CDH19: variants seen among roughly 807,000 people sequenced by gnomAD.
CDH19 encodes the protein cadherin 19.
A neutral mutation model predicts 64.2 loss-of-function variants in CDH19; 67 were observed. That is an observed-to-expected ratio of 1.04 (90% CI 0.86 to 1.28). The LOEUF is 1.28. CDH19 is among the 50% of genes most tolerant of loss of function. The pLI is 0.00. For missense variants in CDH19, 1,030 were observed against 929.0 expected (o/e 1.11, Z -1.41); for synonymous variants, 346 against 319.3 (o/e 1.08, Z -0.89).
intron 3 of CDH19, among the ~76,000 whole-genome samples, chr18:66,556,870 A>G (rs1987539182): frequency 6.6e-6 from 1 of 151,930 alleles, no homozygotes; most frequent in Non-Finnish European, 1.5e-5. Flanking sequence ...ATGAAATATC[A>G]CTTCACACTT....
chr18:66,523,428 G>A (rs1434424030), intron 9 of CDH19, among the ~76,000 whole-genome samples: 2 of 152,124 alleles, frequency 1.3e-5, no homozygotes, highest in Non-Finnish European at 2.9e-5. Context: ...CCTTGGAGGA[G>A]GTGCAGCTGC....
At chr18:66,600,950 G>A (rs549249252) in intron 1 of CDH19, among the ~76,000 whole-genome samples, 2 of 151,902 alleles carry the variant, frequency 1.3e-5, no homozygotes, top group East Asian at 3.9e-4. Context: ...TGACATTATA[G>A]CCCATTTATT....
At chr18:66,590,820 G>T (rs1988722612) in intron 1 of CDH19, among the ~76,000 whole-genome samples, 1 of 151,976 alleles carries the variant, frequency 6.6e-6, no homozygotes, top group Non-Finnish European at 1.5e-5. Flanking sequence ...TGAGCCTGCT[G>T]TGTTATATAA....
At chr18:66,585,171 C>T (rs1421196352) in intron 1 of CDH19, among the ~76,000 whole-genome samples, 2 of 151,992 alleles carry the variant, frequency 1.3e-5, no homozygotes, top group East Asian at 3.9e-4. Flanking sequence ...GGAACACATA[C>T]AATATAATTT....
In CDH19 at chr18:66,601,062, A is replaced by G. The variant is rs1989026085; in HGVS notation, c.-113+2892T>C. Among the ~76,000 whole-genome samples the G allele has an allele frequency of 2.0e-5, 3 of 151,628 alleles. No individual in the cohort carries two copies. The South Asian group carries it at 6.2e-4, about 31-fold the overall frequency. Reference sequence around the variant, plus strand: ...TATTTGCTTAGTGACAAATGACACTACTCTCTTGAAAATTCAGAGATGCAT... The same window carrying G: ...TATTTGCTTAGTGACAAATGACACTGCTCTCTTGAAAATTCAGAGATGCAT... On this transcript the variant is annotated intron_variant, in intron 1 of 11. Transcript: ENST00000262150.
intron 1 of CDH19, among the ~76,000 whole-genome samples, chr18:66,574,182 T>C (rs540748576): frequency 2.0e-5 from 3 of 151,826 alleles, no homozygotes; most frequent in South Asian, 4.1e-4. Flanking sequence ...GAGTTTCACA[T>C]AGTCTGAATG....
chr18:66,588,631 T>C (rs1309558441), intron 1 of CDH19, among the ~76,000 whole-genome samples: 1 of 142,368 alleles, frequency 7.0e-6, no homozygotes, highest in African/African-American at 2.4e-5. Flanking sequence ...TATATCTATA[T>C]ATATATAGAT....
rs535954326 is a variant in CDH19, at chr18:66,567,447, T to C, written c.490+969A>G. Among the ~76,000 whole-genome samples, 5 of 151,934 alleles carry C rather than the reference T, an allele frequency of 3.3e-5. No individual in the cohort carries two copies. In the East Asian group the frequency reaches 7.7e-4, roughly 24 times the overall value. On this transcript the variant is annotated intron_variant, in intron 3 of 11. Coordinates refer to ENST00000262150, the MANE Select transcript of CDH19 (RefSeq NM_021153.4). Reference sequence around the variant, plus strand: ...AGAGTAATTTAAAGTGCTATTTACATCTCATAATAATTTGTCTTGATATAT... The same window carrying C: ...AGAGTAATTTAAAGTGCTATTTACACCTCATAATAATTTGTCTTGATATAT...
chr18:66,573,426 T>G (rs542184020), intron 1 of CDH19, among the ~76,000 whole-genome samples: 1 of 151,726 alleles, frequency 6.6e-6, no homozygotes, highest in South Asian at 2.1e-4. Context: ...GTGGTCCCGG[T>G]ATACTCCCTT....
chr18:66,519,714 A>G (rs1985897046), intron 9 of CDH19, among the ~76,000 whole-genome samples: 1 of 152,178 alleles, frequency 6.6e-6, no homozygotes, highest in Admixed American at 6.5e-5. Context: ...AAAACATGGG[A>G]CAAAACAAAA....
intron 1 of CDH19, among the ~76,000 whole-genome samples, chr18:66,597,161 T>TAAAAAAAAAAAA (rs1195104691): frequency 1.5e-5 from 1 of 65,712 alleles, no homozygotes; most frequent in African/African-American, 3.9e-5. Flanking sequence ...CAATCTTAAG[T>TAAAAAAAAAAAA]TAAAAAAAAA....
intron 7 of CDH19, among the ~76,000 whole-genome samples, chr18:66,536,527 C>T (rs569700179): frequency 1.3e-5 from 2 of 151,676 alleles, no homozygotes; most frequent in South Asian, 4.1e-4. Context: ...CACATAAAGC[C>T]CATTTAAAGT....
rs1283880904 is a variant in CDH19 at position 66,554,438 on chromosome 18, C to T, written c.577G>A (p.Gly193Ser). The change falls in exon 4 of 12, where the codon GGC becomes AGC. Residue 193 changes from glycine to serine, a missense_variant. By Grantham distance (56) the Gly-to-Ser change is moderately conservative (BLOSUM62 0). Coordinates refer to ENST00000262150, the MANE Select transcript of CDH19 (RefSeq NM_021153.4). Reference protein sequence around the residue: ...NARLLYSLLQGQPYFSVEPTT... With the variant: ...NARLLYSLLQSQPYFSVEPTT... ...GGTTCAACAGAAAAATATGGCTGGCCTTGAAGTAAGCTGTAGAGGAGACGA... is the reference window on the plus strand; with the variant it reads ...GGTTCAACAGAAAAATATGGCTGGCTTTGAAGTAAGCTGTAGAGGAGACGA... 5 of 1,611,858 alleles carry T rather than the reference C, an allele frequency of 3.1e-6. No individual in the cohort carries two copies. The highest frequency in any genetic ancestry group is 4.2e-6 in the Non-Finnish European group (5 of 1,178,582).
intron 1 of CDH19, among the ~76,000 whole-genome samples, chr18:66,581,888 G>A (rs1988431710): frequency 6.6e-6 from 1 of 152,066 alleles, no homozygotes; most frequent in Non-Finnish European, 1.5e-5. Flanking sequence ...CACCTCTAAA[G>A]AACCCTAATA....
intron 1 of CDH19, among the ~76,000 whole-genome samples, chr18:66,585,025 G>A (rs536704680): frequency 6.6e-6 from 1 of 151,932 alleles, no homozygotes; most frequent in Non-Finnish European, 1.5e-5. Context: ...TCACTGGGAG[G>A]AGGTACATAA....
chr18:66,513,057 T>A (rs1472763578), intron 9 of CDH19, among the ~76,000 whole-genome samples: 1 of 151,494 alleles, frequency 6.6e-6, no homozygotes, highest in Non-Finnish European at 1.5e-5. Flanking sequence ...CATAGGCATA[T>A]GGATATCTTT....
chr18:66,544,305 A>G, intron 6 of CDH19, 81 bp from the exon 7 acceptor site: 1 of 1,353,904 alleles, frequency 7.4e-7, no homozygotes, highest in Non-Finnish European at 1.0e-6. Context: ...TTACCTGTTA[A>G]ATTAAGTCTC....
At chr18:66,529,653 TTATA>T (rs1278537034) in intron 9 of CDH19, among the ~76,000 whole-genome samples, 188 bp downstream of exon 9, 3 of 147,918 alleles carry the variant, frequency 2.0e-5, no homozygotes, top group Admixed American at 6.8e-5. Context: ...AAAGCTTATT[TTATA>T]TATATAATTT....
chr18:66,508,431 T>C (rs1255360942), intron 11 of CDH19, among the ~76,000 whole-genome samples: 8 of 151,696 alleles, frequency 5.3e-5, no homozygotes. Flanking sequence ...TGGGCTCTAG[T>C]CAGTTGCAGT....
Sources: allele counts gnomAD v4.1 joint callset (sites outside exome capture counted in the v4.1 genomes callset), GRCh38; gene constraint gnomAD v4.1.1; transcripts MANE v1.5; gene names NCBI Gene and HGNC (gene_info 2026-07-23, HGNC 2026-07-21).